The following COLQ variants were observed in gnomAD, a reference collection of about 807,000 sequenced individuals.
The protein encoded by COLQ is collagen like tail subunit of asymmetric acetylcholinesterase.
A neutral mutation model predicts 69.0 loss-of-function variants in COLQ; 48 were observed. The observed-to-expected ratio is 0.70, with a 90% CI of 0.55 to 0.88. COLQ has a LOEUF of 0.88. Ranked by LOEUF, COLQ falls within the 40% of genes least tolerant of loss-of-function variation. The pLI is 0.00. For missense variants in COLQ, 618 were observed against 594.6 expected (o/e 1.04, Z -0.41); for synonymous variants, 217 against 211.2 (o/e 1.03, Z -0.24).
intron 15 of COLQ, among the ~76,000 whole-genome samples, 190 bp from the exon 16 acceptor site, chr3:15,454,121 G>T (rs1187179683): frequency 6.6e-6 from 1 of 152,176 alleles, no homozygotes; most frequent in African/African-American, 2.4e-5. Flanking sequence ...TGTGCCATGG[G>T]ACAAGAAGAA....
Position 15,473,875 on chromosome 3 carries a change from AG to A in COLQ, c.636+124del, listed in dbSNP as rs2062331680. 39 of 1,089,578 alleles carry A rather than the reference AG, an allele frequency of 3.6e-5. No individual in the cohort carries two copies. The highest frequency in any genetic ancestry group is 5.4e-5 in the Non-Finnish European group (39 of 724,504). The allele number at this position is 1,089,578 out of a possible 1,614,324, so 67.5% of individuals were successfully genotyped here. On this transcript the variant is annotated intron_variant, in intron 10 of 16. Transcript: ENST00000383788. The surrounding 1 kb of genome is among the most constrained non-coding windows in gnomAD (Gnocchi z 4.0). ...AGCAACTTGCTTCCCGTCCCAAAATAGAAGTTTCCATGGTTAAACCCACCAT... is the reference window on the plus strand; with the variant it reads ...AGCAACTTGCTTCCCGTCCCAAAATAAAGTTTCCATGGTTAAACCCACCAT...
chr3:15,487,462 G>A (rs988574131), intron 3 of COLQ, among the ~76,000 whole-genome samples: 3 of 152,190 alleles, frequency 2.0e-5, no homozygotes, highest in African/African-American at 4.8e-5. Context: ...ATCCAGGTGA[G>A]CCTTCAAGTG....
intron 3 of COLQ, among the ~76,000 whole-genome samples, chr3:15,484,038 G>A (rs559790471): frequency 9.5e-4 from 115 of 120,774 alleles, no homozygotes; most frequent in African/African-American, 3.2e-3. Flanking sequence ...ATTGCAAGCC[G>A]TGCTTTTTTT....
chr3:15,493,751 G>C (rs2125147243), intron 1 of COLQ, among the ~76,000 whole-genome samples: 1 of 152,342 alleles, frequency 6.6e-6, no homozygotes, highest in East Asian at 1.9e-4. Flanking sequence ...TGTGGGAGGA[G>C]TTTCTCCTGA....
intron 5 of COLQ, among the ~76,000 whole-genome samples, chr3:15,477,874 A>T (rs1211542410): frequency 6.6e-6 from 1 of 152,140 alleles, no homozygotes; most frequent in Non-Finnish European, 1.5e-5. Context: ...TGGTCCCATA[A>T]TAATGTATTC....
chr3:15,504,015 C>T (rs2062868632), intron 1 of COLQ, among the ~76,000 whole-genome samples: 1 of 152,008 alleles, frequency 6.6e-6, no homozygotes, highest in African/African-American at 2.4e-5. Flanking sequence ...TGTAAACTCC[C>T]ATGAGTAAAC....
rs891374088 is a variant in COLQ, at chr3:15,473,864, C to T, written c.636+136G>A. ...CCAGGGTGAAAAGCAACTTGCTTCC[C>T]GTCCCAAAATAGAAGTTTCCATGGT... On this transcript the variant is annotated intron_variant, in intron 10 of 16. Transcript: ENST00000383788. The surrounding 1 kb of genome is among the most constrained non-coding windows in gnomAD (Gnocchi z 4.0). 2.6e-5 allele frequency: 26 copies of T among 982,510 alleles called. No individual in the cohort carries two copies. Among genetic ancestry groups the T allele is most frequent in the African/African-American group, 8.1e-5 (5 of 61,624 alleles). 60.9% of individuals were successfully genotyped at this position (982,510 alleles called of 1,614,324 possible).
intron 1 of COLQ, among the ~76,000 whole-genome samples, chr3:15,509,599 T>C (rs561967960): frequency 2.0e-5 from 3 of 152,310 alleles, no homozygotes; most frequent in Middle Eastern, 3.4e-3. Context: ...ATGTTGCCCC[T>C]CAAAGTACAA....
chr3:15,461,637 C>G (rs1401240664), intron 12 of COLQ, among the ~76,000 whole-genome samples: 1 of 152,200 alleles, frequency 6.6e-6, no homozygotes, highest in African/African-American at 2.4e-5. Context: ...CTAGGGCCGC[C>G]TGGCTGACAC....
rs1487436219 is a variant in COLQ, at chr3:15,483,852, C to G, written c.321+4354G>C. ...ATTATTATTGGGTGGGAGTCTAAGT[C>G]TCTTTGTAGGTCTCTAAGGACCTGC... On this transcript the variant is annotated intron_variant, in intron 3 of 16. Coordinates refer to ENST00000383788, the MANE Select transcript of COLQ (RefSeq NM_005677.4). Among the ~76,000 whole-genome samples the G allele has an allele frequency of 5.9e-5, 9 of 152,312 alleles. No homozygotes were observed. In the East Asian group the frequency reaches 7.7e-4, roughly 13 times the overall value.
At chr3:15,461,872 GT>G (rs1055630181) in intron 12 of COLQ, among the ~76,000 whole-genome samples, 73 of 151,888 alleles carry the variant, frequency 4.8e-4, no homozygotes, top group Middle Eastern at 3.4e-3. Flanking sequence ...GGTATATACA[GT>G]TTTTTCCCCC....
intron 1 of COLQ, among the ~76,000 whole-genome samples, chr3:15,511,139 C>T (rs746718572): frequency 1.3e-5 from 2 of 152,140 alleles, no homozygotes; most frequent in Non-Finnish European, 2.9e-5. Flanking sequence ...AAAGTCTGGT[C>T]CACCCCTTAA....
intron 8 of COLQ, 23 bp from the exon 9 acceptor site, chr3:15,474,295 A>T: frequency 6.2e-7 from 1 of 1,612,626 alleles, no homozygotes; most frequent in South Asian, 1.1e-5. Context: ...CATAGGAGAA[A>T]GTCAATGAGT....
At chr3:15,458,537 C>T (rs966775044) in intron 12 of COLQ, among the ~76,000 whole-genome samples, 30 of 152,222 alleles carry the variant, frequency 2.0e-4, no homozygotes, top group African/African-American at 6.8e-4. Context: ...TTTCCCCCTC[C>T]TTCCTGCCTT....
At chr3:15,456,235 G>C (rs2062023681) in intron 14 of COLQ, among the ~76,000 whole-genome samples, 1 of 146,726 alleles carries the variant, frequency 6.8e-6, no homozygotes, top group Non-Finnish European at 1.5e-5. Flanking sequence ...CAGGGATGTG[G>C]AGACCATCTG....
At chr3:15,502,420 T>C (rs1233388828) in intron 1 of COLQ, among the ~76,000 whole-genome samples, 1 of 151,900 alleles carries the variant, frequency 6.6e-6, no homozygotes, top group Non-Finnish European at 1.5e-5. Flanking sequence ...CCCAGTCTTT[T>C]ATAAATTTTT....
Position 15,474,946 on chromosome 3 carries a change from G to A in COLQ, c.534C>T (p.Tyr178=). 1.9e-6 allele frequency: 3 copies of A among 1,614,108 alleles called. No individual in the cohort carries two copies. The highest frequency in any genetic ancestry group is 2.5e-6 in the Non-Finnish European group (3 of 1,179,992). The stretch of plus-strand genomic sequence containing the variant: ...TAACCTTTTCCCCTCTGGATCCAGG[G>A]TAGCCCTAAAAGAAAGCAGAAGGTA... The part of the protein sequence containing the change: ...GSRGPMGSKG[Y]PGSRGEKGSR... The change falls in exon 8 of 17, where the codon TAC becomes TAT. Residue 178 remains tyrosine (Y), a synonymous_variant. Transcript: ENST00000383788.
chr3:15,452,287 G>A (rs114956601), intron 16 of COLQ, among the ~76,000 whole-genome samples: 3,309 of 152,168 alleles, frequency 0.022, 99 homozygotes, highest in African/African-American at 0.073. Flanking sequence ...GGGTGGTGCC[G>A]AACTCTGAAC....
At chr3:15,487,324 G>T (rs189819163) in intron 3 of COLQ, among the ~76,000 whole-genome samples, 2 of 152,330 alleles carry the variant, frequency 1.3e-5, no homozygotes, top group East Asian at 3.9e-4. Context: ...AGGCCCTGTG[G>T]CTAAAGCAAG....
Sources: allele counts gnomAD v4.1 joint callset (sites outside exome capture counted in the v4.1 genomes callset), GRCh38; gene constraint gnomAD v4.1.1; non-coding constraint Gnocchi (gnomAD v3.1); transcripts MANE v1.5; gene names NCBI Gene and HGNC (gene_info 2026-07-23, HGNC 2026-07-21).